Variants in TUBA4B observed in about 807,000 individuals in gnomAD.
The protein encoded by TUBA4B is tubulin-like protein alpha-4B.
TUBA4B carries 13 observed loss-of-function variants against 18.4 expected under a neutral mutation model. The ratio of observed to expected loss-of-function variants is 0.71; its 90% CI spans 0.46 to 1.12. TUBA4B has a LOEUF of 1.12. TUBA4B is among the 50% of genes most tolerant of loss of function. The pLI is 0.00. For missense variants in TUBA4B, 244 were observed against 250.0 expected (o/e 0.98, Z 0.16); for synonymous variants, 101 against 99.1 (o/e 1.02, Z -0.11).
At chr2:219,265,170 G>A (rs1241897500) in intron 1 of TUBA4B, among the ~76,000 whole-genome samples, 3 of 152,182 alleles carry the variant, frequency 2.0e-5, no homozygotes, top group Non-Finnish European at 4.4e-5. Flanking sequence ...GGGAAGCAGA[G>A]CCCGAGTCCC....
At chr2:219,269,168 T>A (rs760538408) in intron 2 of TUBA4B, among the ~76,000 whole-genome samples, 1 of 152,034 alleles carries the variant, frequency 6.6e-6, no homozygotes, top group African/African-American at 2.4e-5. Flanking sequence ...CTGTCTCCAA[T>A]TGCATCTATC....
rs186343542 is a variant in TUBA4B, at chr2:219,270,624, G to T, written c.192+289G>T. 3.1e-4 allele frequency among the ~76,000 whole-genome samples: 45 copies of T among 145,300 alleles called. 1 individual carries two copies. Among genetic ancestry groups the T allele is most frequent in the African/African-American group, 1.1e-3 (40 of 35,684 alleles). On this transcript the variant is annotated intron_variant, in intron 3 of 3. Transcript: ENST00000490341. ...GGCCAAGCTGTGGGGTTCCATAAGC[G>T]TTCCCAGAATACCACCTTGTGTTAC...
Position 219,271,676 on chromosome 2 carries a change from T to A in TUBA4B, c.703T>A (p.Leu235Met). 6.2e-7 allele frequency: 1 copy of A among 1,613,544 alleles called. No individual in the cohort carries two copies. Among genetic ancestry groups the A allele is most frequent in the Non-Finnish European group, 8.5e-7 (1 of 1,179,448 alleles). Residue 235 changes from leucine (L) to methionine (M), a missense_variant, in exon 4 of 4, where the codon TTG becomes ATG. Transcript: ENST00000490341. The stretch of plus-strand genomic sequence containing the variant: ...GTGGCAGAGATTACCAATGCCTGCT[T>A]TGAGCCTGCCAACCAGATGGTGAAG... ...CWWQRLPMPA[L>M]SLPTRW
chr2:219,271,800 C>G lies in TUBA4B; in HGVS notation c.*101C>G, dbSNP rs1951828707. 6.2e-7 allele frequency: 1 copy of G among 1,602,222 alleles called. No individual in the cohort carries two copies. Among genetic ancestry groups the G allele is most frequent in the Admixed American group, 1.7e-5 (1 of 59,994 alleles). On this transcript the variant is annotated 3_prime_UTR_variant, in exon 4 of 4. Transcript: ENST00000490341. ...ACGCTGCCATTGCTGCCATCAAGAC[C>G]AAGTGCAGCATTCAGTTTGTGGACT... is the stretch of plus-strand genomic sequence containing the variant.
At chr2:219,265,239 G>A (rs1000897360) in intron 1 of TUBA4B, among the ~76,000 whole-genome samples, 1 of 152,212 alleles carries the variant, frequency 6.6e-6, no homozygotes, top group Non-Finnish European at 1.5e-5. Flanking sequence ...AGGACACTAG[G>A]GATTTCAATT....
At chr2:219,260,887 C>T (rs1457231033) in intron 1 of TUBA4B, among the ~76,000 whole-genome samples, 1 of 152,078 alleles carries the variant, frequency 6.6e-6, no homozygotes, top group Non-Finnish European at 1.5e-5. Context: ...GCAGAAGAAT[C>T]ATTTGAAGGA....
rs976921954 is a variant in TUBA4B, at chr2:219,256,251, T to C, written c.12+2832T>C. ...TGTGAATATCAGATGAATTTAGAGA[T>C]GTACATATTCACATCAAGGCACTGT... is the stretch of plus-strand genomic sequence containing the variant. On this transcript the variant is annotated intron_variant, in intron 1 of 3. Coordinates refer to ENST00000490341, the MANE Select transcript of TUBA4B (RefSeq NM_001355221.1). 2.2e-4 allele frequency among the ~76,000 whole-genome samples: 34 copies of C among 152,246 alleles called. 2 individuals are homozygous for C.
At position 219,271,788 on chromosome 2, in the gene TUBA4B, T is replaced by C. The variant is rs1047102541; in HGVS notation, c.*89T>C. 30 of 1,608,168 alleles carry C rather than the reference T, an allele frequency of 1.9e-5. No individual in the cohort carries two copies. The highest frequency in any genetic ancestry group is 1.8e-4 in the East Asian group (8 of 44,866). ...CCAAGGATGTCAACGCTGCCATTGCTGCCATCAAGACCAAGTGCAGCATTC... is the reference window on the plus strand; with the variant it reads ...CCAAGGATGTCAACGCTGCCATTGCCGCCATCAAGACCAAGTGCAGCATTC... On this transcript the variant is annotated 3_prime_UTR_variant, in exon 4 of 4. Transcript: ENST00000490341.
At chr2:219,256,253 T>C (rs1323255152) in intron 1 of TUBA4B, among the ~76,000 whole-genome samples, 2 of 152,378 alleles carry the variant, frequency 1.3e-5, no homozygotes, top group African/African-American at 4.8e-5. Context: ...TTTAGAGATG[T>C]ACATATTCAC....
chr2:219,268,484 G>A (rs940867860), intron 2 of TUBA4B, among the ~76,000 whole-genome samples: 2 of 152,208 alleles, frequency 1.3e-5, no homozygotes, highest in Non-Finnish European at 2.9e-5. Flanking sequence ...ACCCTAGTGT[G>A]TGTTAGGCAG....
rs1553571383 is a variant in TUBA4B, at chr2:219,253,362, G to GC, written c.-46_-45insC. On this transcript the variant is annotated 5_prime_UTR_variant, in exon 1 of 4. Coordinates refer to ENST00000490341, the MANE Select transcript of TUBA4B (RefSeq NM_001355221.1). ...CGCGGGGTGCTGAGTCACGGGGGGG[G>GC]GGTGGTTCTGTGGATAGTTGGAATG... 7 of 1,534,326 alleles carry GC rather than the reference G, an allele frequency of 4.6e-6. No individual in the cohort carries two copies. The African/African-American group carries it at 9.7e-5, about 21-fold the overall frequency.
chr2:219,257,122 C>A lies in TUBA4B; in HGVS notation c.12+3703C>A, dbSNP rs188525921. On this transcript the variant is annotated intron_variant, in intron 1 of 3. Transcript: ENST00000490341. ...ACAGTGGCGCGATCTCGGCTCACTG[C>A]AAGCTCCACCTCCCGGGTTCAAGCA... Among the ~76,000 whole-genome samples the A allele has an allele frequency of 4.7e-3, 682 of 144,488 alleles. 9 individuals carry two copies. Among genetic ancestry groups the A allele is most frequent in the African/African-American group, 0.017 (655 of 39,122 alleles). 94.8% of individuals were successfully genotyped at this position (144,488 alleles called of 152,430 possible).
intron 1 of TUBA4B, among the ~76,000 whole-genome samples, chr2:219,257,653 A>C (rs1443839210): frequency 6.8e-6 from 1 of 147,404 alleles, no homozygotes; most frequent in Non-Finnish European, 1.5e-5. Context: ...AAAAAAAAAA[A>C]AAAAAAAAAA....
chr2:219,266,206 C>T, intron 1 of TUBA4B: 1 of 322,522 alleles, frequency 3.1e-6, no homozygotes, highest in East Asian at 5.8e-5. Context: ...AAATCATCTT[C>T]CACCTGTGAA....
At chr2:219,263,956 A>G (rs2125075860) in intron 1 of TUBA4B, among the ~76,000 whole-genome samples, 1 of 152,340 alleles carries the variant, frequency 6.6e-6, no homozygotes, top group Non-Finnish European at 1.5e-5. Context: ...TTTATTTGCT[A>G]AATCTGGCAG....
At position 219,253,380 on chromosome 2, in the gene TUBA4B, T is replaced by C. The variant is rs1238584464; in HGVS notation, c.-28T>C. On this transcript the variant is annotated 5_prime_UTR_variant, in exon 1 of 4. Coordinates refer to ENST00000490341, the MANE Select transcript of TUBA4B (RefSeq NM_001355221.1). ...GGGGGGGGGGTGGTTCTGTGGATAG[T>C]TGGAATGCATACACAGAGGAAAGGG... 5 of 1,534,302 alleles carry C rather than the reference T, an allele frequency of 3.3e-6. No individual in the cohort carries two copies. Among genetic ancestry groups the C allele is most frequent in the Admixed American group, 2.0e-5 (1 of 50,872 alleles).
At position 219,271,475 on chromosome 2, in the gene TUBA4B, C is replaced by T. The variant is rs750951177; in HGVS notation, c.502C>T (p.Arg168Cys). Residue 168 changes from arginine (R) to cysteine (C), a missense_variant, in exon 4 of 4, where the codon CGC (arginine) becomes TGC (cysteine). Physicochemically the swap from Arg to Cys is radical, Grantham distance 180. Transcript: ENST00000490341. Reference sequence around the variant, plus strand: ...GCGCCCAACCTACACCAACCTCAATCGCCTCATTAGCCAAATTGTCTCCTC... The same window carrying T: ...GCGCCCAACCTACACCAACCTCAATTGCCTCATTAGCCAAATTGTCTCCTC... The part of the protein sequence containing the change: ...IERPTYTNLN[R>C]LISQIVSSIT... The T allele has an allele frequency of 2.4e-5, 38 of 1,614,080 alleles. 1 individual carries two copies. Among genetic ancestry groups the T allele is most frequent in the Admixed American group, 3.3e-5 (2 of 60,006 alleles).
chr2:219,270,881 G>A (rs1029662820), intron 3 of TUBA4B, among the ~76,000 whole-genome samples: 1 of 151,940 alleles, frequency 6.6e-6, no homozygotes, highest in African/African-American at 2.4e-5. Context: ...GGAGTCCTGT[G>A]CACTGGTCAG....
At chr2:219,268,212 A>G (rs932208635) in intron 2 of TUBA4B, among the ~76,000 whole-genome samples, 26 of 149,668 alleles carry the variant, frequency 1.7e-4, no homozygotes, top group African/African-American at 6.4e-4. Context: ...GGGTTCAAGC[A>G]ATTCTCCTGC....
Sources: gnomAD v4.1 joint callset for allele counts (sites outside exome capture counted in the v4.1 genomes callset) on GRCh38, gnomAD v4.1.1 for gene constraint, MANE v1.5 for transcripts, NCBI Gene and HGNC (gene_info 2026-07-23, HGNC 2026-07-21) for gene names.